ZBTB2: variants seen among roughly 807,000 people sequenced by gnomAD.
ZBTB2 encodes zinc finger and BTB domain containing 2.
Under a neutral mutation model 39.5 loss-of-function variants are expected in ZBTB2, and 2 were observed. The ratio of observed to expected loss-of-function variants is 0.05; its 90% CI spans 0.02 to 0.16. ZBTB2 has a LOEUF of 0.16. Among genes scored for constraint, ZBTB2 ranks in the 10% least tolerant of loss-of-function variants. The pLI, the probability that ZBTB2 is intolerant of heterozygous loss-of-function variation, is 1.00. For synonymous variants in ZBTB2, 251 were observed against 256.6 expected, an observed-to-expected ratio of 0.98 and a Z score of 0.21; for missense variants, 391 against 653.0, an observed-to-expected ratio of 0.60 and a Z score of 4.37.
intron 2 of ZBTB2, among the ~76,000 whole-genome samples, chr6:151,371,577 G>C (rs1778789875): frequency 6.6e-6 from 1 of 152,122 alleles, no homozygotes; most frequent in Non-Finnish European, 1.5e-5. Flanking sequence ...GATGAGGGGT[G>C]GTGTGTCCCA....
At chr6:151,384,752 G>A (rs1779117173) in intron 1 of ZBTB2, among the ~76,000 whole-genome samples, 1 of 152,244 alleles carries the variant, frequency 6.6e-6, no homozygotes, top group South Asian at 2.1e-4. Flanking sequence ...TGGTTACACT[G>A]GTCTGGAGCT....
intron 1 of ZBTB2, among the ~76,000 whole-genome samples, chr6:151,374,706 G>A (rs1446048654): frequency 6.7e-6 from 1 of 149,422 alleles, no homozygotes; most frequent in East Asian, 2.0e-4. Flanking sequence ...AAGCAAGACA[G>A]GAAATAAAAA....
chr6:151,390,431 C>T (rs1412008577), intron 1 of ZBTB2, among the ~76,000 whole-genome samples: 1 of 150,154 alleles, frequency 6.7e-6, no homozygotes, highest in African/African-American at 2.4e-5. Flanking sequence ...CCGCTTCCCT[C>T]AGTCCCGCGT....
At chr6:151,386,013 G>A (rs909170875) in intron 1 of ZBTB2, among the ~76,000 whole-genome samples, 2 of 152,104 alleles carry the variant, frequency 1.3e-5, no homozygotes, top group African/African-American at 4.8e-5. Flanking sequence ...CACTGCATTT[G>A]TAAAATACTC....
chr6:151,370,366 T>G (rs1409980247), intron 2 of ZBTB2, among the ~76,000 whole-genome samples: 3 of 152,206 alleles, frequency 2.0e-5, no homozygotes, highest in Non-Finnish European at 4.4e-5. Flanking sequence ...CATACTTTCA[T>G]GTAGGAAAAA....
Position 151,364,725 on chromosome 6 carries a change from C to G in ZBTB2, c.*796G>C, listed in dbSNP as rs1778607167. 1 of 152,220 alleles carries G rather than the reference C, an allele frequency of 6.6e-6. No homozygotes were observed. Among genetic ancestry groups the G allele is most frequent in the Non-Finnish European group, 1.5e-5 (1 of 68,036 alleles). The allele number at this position is 152,220 out of a possible 1,614,324, so 9.4% of individuals were successfully genotyped here. On this transcript the variant is annotated 3_prime_UTR_variant, in exon 3 of 3. Coordinates refer to ENST00000325144, the MANE Select transcript of ZBTB2 (RefSeq NM_020861.3). ...AAGGCAATTTATAGAATAGTACATT[C>G]AAATTTGATTTTTAAAACAAATTTG...
Position 151,366,714 on chromosome 6 carries a change from C to T in ZBTB2, c.352G>A (p.Ala118Thr), listed in dbSNP as rs1049423804. 3.1e-6 allele frequency: 5 copies of T among 1,614,132 alleles called. No individual in the cohort carries two copies. The highest frequency in any genetic ancestry group is 2.2e-5 in the East Asian group (1 of 44,870). The change falls in exon 3 of 3, where the codon GCC (alanine) becomes ACC (threonine). Residue 118 changes from alanine to threonine, a missense_variant. Ala to Thr is a moderately conservative substitution (Grantham distance 58). Coordinates refer to ENST00000325144, the MANE Select transcript of ZBTB2 (RefSeq NM_020861.3). The surrounding 1 kb of genome is among the most constrained non-coding windows in gnomAD (Gnocchi z 7.1). ...AAAACTTGGTCAGGGTGAGAAAAGGCTCCCTGGCTGGCGAGGCTGGCTTCC... is the reference window on the plus strand; with the variant it reads ...AAAACTTGGTCAGGGTGAGAAAAGGTTCCCTGGCTGGCGAGGCTGGCTTCC... ...IQEASLASQG[A>T]FSHPDQVFPL...
At chr6:151,380,661 C>T (rs573520607) in intron 1 of ZBTB2, among the ~76,000 whole-genome samples, 1 of 152,302 alleles carries the variant, frequency 6.6e-6, no homozygotes, top group African/African-American at 2.4e-5. Flanking sequence ...ATTTTGTACT[C>T]TTCCTCCCGC....
rs1407916981 is a variant in ZBTB2, at chr6:151,379,629, C to A, written c.-12-5980G>T. On this transcript the variant is annotated intron_variant, in intron 1 of 2. Transcript: ENST00000325144. ...CTCTAGCCTGGGAAACAGAGTGAGA[C>A]CCTGTCTGAAAAAAAAAAAAAAAAA... 4.8e-5 allele frequency among the ~76,000 whole-genome samples: 6 copies of A among 125,094 alleles called. No individual in the cohort carries two copies. In the Middle Eastern group the frequency reaches 0.015, roughly 307 times the overall value. 82.1% of individuals were successfully genotyped at this position (125,094 alleles called of 152,430 possible). A position where few individuals can be genotyped will look rare whatever the true frequency, so the allele number is the denominator to read the frequency against.
chr6:151,369,887 G>A (rs936280000), intron 2 of ZBTB2, among the ~76,000 whole-genome samples: 3 of 152,020 alleles, frequency 2.0e-5, no homozygotes, highest in African/African-American at 4.8e-5. Context: ...CAGCCTGGGC[G>A]ACAAGAGCGA....
At chr6:151,369,722 C>T (rs1421683032) in intron 2 of ZBTB2, among the ~76,000 whole-genome samples, 1 of 152,068 alleles carries the variant, frequency 6.6e-6, no homozygotes, top group Non-Finnish European at 1.5e-5. Flanking sequence ...CCTATAATCC[C>T]AGCACTTTGG....
intron 1 of ZBTB2, among the ~76,000 whole-genome samples, chr6:151,385,069 G>C (rs1779124096): frequency 6.6e-6 from 1 of 152,006 alleles, no homozygotes; most frequent in Admixed American, 6.6e-5. Context: ...TAAAAAACAA[G>C]TCATTTGTCT....
intron 1 of ZBTB2, among the ~76,000 whole-genome samples, chr6:151,375,904 G>C (rs1016561842): frequency 6.6e-6 from 1 of 152,190 alleles, no homozygotes; most frequent in African/African-American, 2.4e-5. Context: ...TAAAGTGGGA[G>C]AAACCAGTCT....
At chr6:151,373,674 T>C in intron 1 of ZBTB2, 25 bp from the exon 2 acceptor site, 1 of 1,600,724 alleles carries the variant, frequency 6.2e-7, no homozygotes, top group Non-Finnish European at 8.5e-7. Context: ...ATTTTATTTT[T>C]AAGAAGGTGA....
At chr6:151,376,931 T>C (rs1248865270) in intron 1 of ZBTB2, among the ~76,000 whole-genome samples, 1 of 152,118 alleles carries the variant, frequency 6.6e-6, no homozygotes, top group African/African-American at 2.4e-5. Context: ...AATCAAAAAC[T>C]GGAAACAACT....
intron 1 of ZBTB2, among the ~76,000 whole-genome samples, chr6:151,380,726 C>T (rs1779016159): frequency 6.6e-6 from 1 of 152,204 alleles, no homozygotes; most frequent in African/African-American, 2.4e-5. Context: ...GTTTTCGACT[C>T]ACCACAGGCT....
rs1778622647 is a variant in ZBTB2, at chr6:151,365,464, A to G, written c.*57T>C. On this transcript the variant is annotated 3_prime_UTR_variant, in exon 3 of 3. Transcript: ENST00000325144. This position sits in a 1 kb window ranked among gnomAD's most constrained non-coding sequence, Gnocchi z 5.6. ...GAGAACTACAGTTCTGAATTCAGGG[A>G]AGGGAGGGAAGATAGTCTTTGTAAA... 1 of 1,531,670 alleles carries G rather than the reference A, an allele frequency of 6.5e-7. No individual in the cohort carries two copies. Among genetic ancestry groups the G allele is most frequent in the South Asian group, 1.3e-5 (1 of 76,554 alleles). The allele number at this position is 1,531,670 out of a possible 1,614,324, so 94.9% of individuals were successfully genotyped here. A position where few individuals can be genotyped will look rare whatever the true frequency, so the allele number is the denominator to read the frequency against.
intron 1 of ZBTB2, among the ~76,000 whole-genome samples, chr6:151,382,201 C>G (rs1267412360): frequency 6.6e-6 from 1 of 152,178 alleles, no homozygotes; most frequent in South Asian, 2.1e-4. Context: ...TACATGTGGT[C>G]TTTCATTCAC....
intron 1 of ZBTB2, among the ~76,000 whole-genome samples, chr6:151,383,185 G>A (rs903840554): frequency 2.6e-5 from 4 of 152,036 alleles, no homozygotes; most frequent in African/African-American, 9.7e-5. Flanking sequence ...CTCCCAAAGT[G>A]CTGGGATTAC....
Sources: allele counts gnomAD v4.1 joint callset (sites outside exome capture counted in the v4.1 genomes callset), GRCh38; gene constraint gnomAD v4.1.1; non-coding constraint Gnocchi (gnomAD v3.1); transcripts MANE v1.5; gene names NCBI Gene and HGNC (gene_info 2026-07-23, HGNC 2026-07-21).